The following MME variants were observed in gnomAD, a reference collection of about 807,000 sequenced individuals.
MME encodes the protein membrane metalloendopeptidase, also known as neprilysin.
Under a neutral mutation model 113.2 loss-of-function variants are expected in MME, and 98 were observed. That is an observed-to-expected ratio of 0.87 (90% CI 0.74 to 1.02). The LOEUF is 1.02. Among genes scored for constraint, MME ranks in the 50% least tolerant of loss-of-function variants. MME has a pLI of 0.00. For missense variants in MME, 836 were observed against 896.0 expected (o/e 0.93, Z 0.86); for synonymous variants, 292 against 300.6 (o/e 0.97, Z 0.30).
chr3:155,164,108 C>T (rs1483263299), intron 17 of MME, among the ~76,000 whole-genome samples: 3 of 146,934 alleles, frequency 2.0e-5, no homozygotes, highest in African/African-American at 7.6e-5. Flanking sequence ...CACACCACTG[C>T]ACTTCAGCCT....
chr3:155,053,293 C>T (rs1019438323), intron 1 of MME, among the ~76,000 whole-genome samples: 13 of 152,042 alleles, frequency 8.6e-5, no homozygotes, highest in Admixed American at 3.9e-4. Context: ...GTTTTCATGC[C>T]GCTTTAAAGA....
chr3:155,048,500 A>G (rs1713642920), intron 1 of MME, among the ~76,000 whole-genome samples: 1 of 152,138 alleles, frequency 6.6e-6, no homozygotes, highest in Non-Finnish European at 1.5e-5. Context: ...GTTTAATGAT[A>G]CCTTTTGTAC....
chr3:155,063,095 TATTA>T (rs1714208311), intron 1 of MME, among the ~76,000 whole-genome samples: 1 of 143,374 alleles, frequency 7.0e-6, no homozygotes, highest in Admixed American at 7.3e-5. Context: ...TTAATGACCT[TATTA>T]ATTATATAAA....
chr3:155,089,191 A>G (rs999212830), intron 3 of MME, among the ~76,000 whole-genome samples: 12 of 152,348 alleles, frequency 7.9e-5, no homozygotes, highest in Admixed American at 5.9e-4. Flanking sequence ...TAAGGCAGGG[A>G]TCAAAATGCT....
At chr3:155,082,637 CG>C (rs1559904862) in intron 1 of MME, among the ~76,000 whole-genome samples, 1 of 152,106 alleles carries the variant, frequency 6.6e-6, no homozygotes, top group African/African-American at 2.4e-5. Flanking sequence ...TTAGCAGACA[CG>C]GTTTTCATTG....
chr3:155,138,720 G>A (rs1720831602), intron 9 of MME, among the ~76,000 whole-genome samples: 2 of 152,150 alleles, frequency 1.3e-5, no homozygotes, highest in South Asian at 4.1e-4. Flanking sequence ...TCAGGCTGCT[G>A]AGCTGACGGA....
rs578233828 is a variant in MME at position 155,105,484 on chromosome 3, T to C, written c.197-9510T>C. Among the ~76,000 whole-genome samples, 19 of 152,302 alleles carry C rather than the reference T, an allele frequency of 1.2e-4. No homozygotes were observed. The East Asian group carries it at 3.7e-3, about 29-fold the overall frequency. ...ATTCCTTAAATTTACATTGGTGACG[T>C]TGAGTTTGTAACCACCCCATACCTA... On this transcript the variant is annotated intron_variant, in intron 3 of 22. Coordinates refer to ENST00000360490, the MANE Select transcript of MME (RefSeq NM_007289.4).
intron 3 of MME, among the ~76,000 whole-genome samples, chr3:155,108,698 T>A: frequency 6.6e-6 from 1 of 152,176 alleles, no homozygotes; most frequent in Non-Finnish European, 1.5e-5. Context: ...CATATTTATG[T>A]CAACTTTACC....
At chr3:155,079,888 C>T (rs1188549599), upstream of MME, 1 of 152,248 alleles carries the variant, frequency 6.6e-6, no homozygotes, top group Non-Finnish European at 1.5e-5. Context: ...GGCGGATGCA[C>T]GGACTGAGAG....
chr3:155,164,356 G>A (rs890512221), intron 17 of MME, among the ~76,000 whole-genome samples: 3 of 152,020 alleles, frequency 2.0e-5, no homozygotes, highest in African/African-American at 7.2e-5. Flanking sequence ...TAACTAACTT[G>A]TTGACAATCA....
rs767928746 is a variant in MME at position 155,166,976 on chromosome 3, G to A, written c.1735G>A (p.Gly579Ser). ...QSNSLNYGGI[G>S]MVIGHEITHG... The stretch of plus-strand genomic sequence containing the variant: ...CAACTCATTGAACTATGGGGGCATC[G>A]GCATGGTCATAGGACACGAAATCAC... Residue 579 changes from glycine (G) to serine (S), a missense_variant, in exon 18 of 23, where the codon GGC becomes AGC. Physicochemically the swap from Gly to Ser is moderately conservative, Grantham distance 56. Coordinates refer to ENST00000360490, the MANE Select transcript of MME (RefSeq NM_007289.4). 9 of 1,613,620 alleles carry A rather than the reference G, an allele frequency of 5.6e-6. No individual in the cohort carries two copies. Among genetic ancestry groups the A allele is most frequent in the Middle Eastern group, 1.6e-4 (1 of 6,076 alleles).
At chr3:155,160,567 AT>A in intron 17 of MME, 119 bp downstream of exon 17, 1 of 701,238 alleles carries the variant, frequency 1.4e-6, no homozygotes, top group Non-Finnish European at 2.6e-6. Flanking sequence ...TTATTGCTCT[AT>A]TGAATGCATT....
chr3:155,144,786 T>C (rs1721382304), intron 14 of MME, among the ~76,000 whole-genome samples: 1 of 152,178 alleles, frequency 6.6e-6, no homozygotes, highest in East Asian at 1.9e-4. Context: ...TGCCCACCCA[T>C]AATGTGCAGC....
chr3:155,165,894 C>T (rs538094988), intron 17 of MME, among the ~76,000 whole-genome samples: 1 of 152,130 alleles, frequency 6.6e-6, no homozygotes, highest in East Asian at 1.9e-4. Flanking sequence ...AGACTGAGGG[C>T]CTAGAGGGGA....
chr3:155,104,146 T>C (rs1717494721), intron 3 of MME, among the ~76,000 whole-genome samples: 1 of 152,184 alleles, frequency 6.6e-6, no homozygotes. Flanking sequence ...AGGGCAGGGA[T>C]TATGTCTGTT....
intron 1 of MME, among the ~76,000 whole-genome samples, chr3:155,032,162 G>A (rs1402339246): frequency 1.3e-5 from 2 of 152,160 alleles, no homozygotes; most frequent in Admixed American, 1.3e-4. Context: ...AGGTACGATA[G>A]TCCATAATTT....
chr3:155,078,077 C>A (rs929170421), upstream of MME, among the ~76,000 whole-genome samples: 28 of 151,704 alleles, frequency 1.8e-4, no homozygotes, highest in Non-Finnish European at 3.7e-4. Flanking sequence ...CACACACACA[C>A]ACGCAAGCAA....
rs201414417 is a variant in MME, at chr3:155,180,569, G to T, written c.*110G>T. 1.4e-4 allele frequency: 116 copies of T among 819,578 alleles called. 3 individuals are homozygous for T. The South Asian group carries it at 1.5e-3, about 11-fold the overall frequency. The allele number at this position is 819,578 out of a possible 1,614,324, so 50.8% of individuals were successfully genotyped here. On this transcript the variant is annotated 3_prime_UTR_variant, in exon 23 of 23. Coordinates refer to ENST00000360490, the MANE Select transcript of MME (RefSeq NM_007289.4). ...CTAGGGGTCACTGTACTGACTTGAG[G>T]GTGATTAACAGAGAGGGCACCATCA...
At chr3:155,025,188 C>G (rs1275563740) in intron 1 of MME, among the ~76,000 whole-genome samples, 2 of 152,166 alleles carry the variant, frequency 1.3e-5, no homozygotes, top group Non-Finnish European at 2.9e-5. Flanking sequence ...CAGGGTGCAG[C>G]CCAGCCTTTG....
Sources: allele counts gnomAD v4.1 joint callset (sites outside exome capture counted in the v4.1 genomes callset), GRCh38; gene constraint gnomAD v4.1.1; transcripts MANE v1.5; gene names NCBI Gene and HGNC (gene_info 2026-07-23, HGNC 2026-07-21).